Variants in DPP6 observed in about 807,000 individuals in gnomAD.
DPP6 encodes the protein A-type potassium channel modulatory protein DPP6.
A neutral mutation model predicts 122.6 loss-of-function variants in DPP6; 69 were observed. The observed-to-expected ratio is 0.56, with a 90% confidence interval of 0.46 to 0.69. The LOEUF (loss-of-function observed/expected upper bound fraction) is 0.69. Ranked by LOEUF, DPP6 falls within the 30% of genes least tolerant of loss-of-function variation. The pLI, the probability that DPP6 is intolerant of heterozygous loss-of-function variation, is 0.00. For synonymous variants in DPP6, 418 were observed against 433.1 expected (o/e 0.97, Z 0.43); for missense variants, 928 against 1,116.9 (o/e 0.83, Z 2.41).
intron 4 of DPP6, among the ~76,000 whole-genome samples, chr7:154,564,077 C>T (rs760298193): frequency 7.9e-5 from 12 of 151,944 alleles, no homozygotes; most frequent in East Asian, 1.9e-4. Flanking sequence ...GATGAGTGTC[C>T]GGGAAGCCAG....
At chr7:153,906,642 G>C (rs1799864746) in intron 1 of DPP6, among the ~76,000 whole-genome samples, 1 of 152,158 alleles carries the variant, frequency 6.6e-6, no homozygotes. Context: ...TGTAGAGACA[G>C]GGTTTCTCCA....
intron 1 of DPP6, among the ~76,000 whole-genome samples, chr7:154,203,310 C>T (rs984692921): frequency 3.3e-5 from 5 of 152,162 alleles, no homozygotes; most frequent in Admixed American, 6.5e-5. Flanking sequence ...AGGCCCAAAG[C>T]CCCATCACTG....
rs554421044 is a variant in DPP6, at chr7:154,130,193, G to C, written c.243+77130G>C. Among the ~76,000 whole-genome samples the C allele has an allele frequency of 2.0e-5, 3 of 152,280 alleles. No individual in the cohort carries two copies. The South Asian group carries it at 6.2e-4, about 32-fold the overall frequency. ...CTAGAAGACAAAGAGGAACTAGTGA[G>C]GGGTGTGTGACATCAGCCAAAGCTG... On this transcript the variant is annotated intron_variant, in intron 1 of 25. Transcript: ENST00000377770.
intron 2 of DPP6, among the ~76,000 whole-genome samples, chr7:154,448,821 G>T (rs1820110276): frequency 6.6e-6 from 1 of 152,102 alleles, no homozygotes; most frequent in African/African-American, 2.4e-5. Context: ...AATGAGGAAA[G>T]AATAGTCTTT....
chr7:154,618,139 G>T lies in DPP6; in HGVS notation c.628-19682G>T, dbSNP rs891180544. Among the ~76,000 whole-genome samples the T allele has an allele frequency of 1.6e-4, 24 of 152,212 alleles. No homozygotes were observed. The highest frequency in any genetic ancestry group is 5.8e-4 in the African/African-American group (24 of 41,448). On this transcript the variant is annotated intron_variant, in intron 5 of 25. Transcript: ENST00000377770. The surrounding 1 kb of genome is among the most constrained non-coding windows in gnomAD (Gnocchi z 4.1). ...CCCCCATAAGGCTATTAAAGTTGCT[G>T]CTGGAAGGTTCCAGAGCTGTATGAT...
intron 1 of DPP6, among the ~76,000 whole-genome samples, chr7:153,944,230 C>A (rs1457864762): frequency 6.6e-6 from 1 of 152,228 alleles, no homozygotes; most frequent in Non-Finnish European, 1.5e-5. Context: ...TCCGGCCCAC[C>A]CTCAACTAAT....
intron 1 of DPP6, among the ~76,000 whole-genome samples, chr7:154,027,741 G>A (rs966594628): frequency 7.9e-5 from 12 of 151,738 alleles, no homozygotes; most frequent in African/African-American, 2.4e-4. Context: ...GCTTGTTCTC[G>A]CTCATCTGGG....
intron 1 of DPP6, among the ~76,000 whole-genome samples, chr7:153,916,123 C>T (rs1203557087): frequency 6.6e-6 from 1 of 151,358 alleles, no homozygotes; most frequent in Non-Finnish European, 1.5e-5. Context: ...CCCGCCACTG[C>T]GCCTGGCTAA....
intron 16 of DPP6, among the ~76,000 whole-genome samples, chr7:154,826,994 C>T (rs551576392): frequency 6.6e-6 from 1 of 152,170 alleles, no homozygotes; most frequent in South Asian, 2.1e-4. Flanking sequence ...ACAACATGAA[C>T]ATGAATATGG....
intron 1 of DPP6, among the ~76,000 whole-genome samples, chr7:154,346,091 G>C (rs991852604): frequency 3.3e-5 from 5 of 152,078 alleles, no homozygotes; most frequent in African/African-American, 1.2e-4. Flanking sequence ...AAAATGGGCC[G>C]CAATTAAAAA....
intron 1 of DPP6, among the ~76,000 whole-genome samples, chr7:153,938,558 C>G (rs904726881): frequency 2.0e-5 from 3 of 152,180 alleles, no homozygotes; most frequent in African/African-American, 7.2e-5. Context: ...AGAAAGAAAA[C>G]AGCCGAGTCA....
intron 17 of DPP6, among the ~76,000 whole-genome samples, chr7:154,862,545 G>T (rs1803497943): frequency 6.6e-6 from 1 of 152,222 alleles, no homozygotes; most frequent in African/African-American, 2.4e-5. Flanking sequence ...CGCCCTGCAG[G>T]ATGTCTGCAG....
chr7:154,657,950 A>G (rs1048531271), intron 6 of DPP6, among the ~76,000 whole-genome samples: 2 of 152,240 alleles, frequency 1.3e-5, no homozygotes, highest in Admixed American at 6.5e-5. Context: ...TACACTTTGT[A>G]TGATTCCAAC....
At chr7:154,623,567 ACACACACACG>A (rs201316577) in intron 5 of DPP6, among the ~76,000 whole-genome samples, 6 of 63,304 alleles carry the variant, frequency 9.5e-5, no homozygotes, top group Non-Finnish European at 2.4e-4. Flanking sequence ...CGCAACACGC[ACACACACACG>A]CACGCACACG....
At chr7:154,784,397 C>G (rs535922799) in intron 10 of DPP6, among the ~76,000 whole-genome samples, 1 of 152,126 alleles carries the variant, frequency 6.6e-6, no homozygotes, top group African/African-American at 2.4e-5. Flanking sequence ...AAGCAAAGCC[C>G]GCAGAGAGCT....
chr7:154,532,706 T>C (rs1027061652), intron 3 of DPP6, among the ~76,000 whole-genome samples: 12 of 151,988 alleles, frequency 7.9e-5, no homozygotes, highest in African/African-American at 2.9e-4. Flanking sequence ...GATAATATGT[T>C]ATTAATTAAT....
chr7:154,711,348 G>A (rs1030993288), intron 7 of DPP6, among the ~76,000 whole-genome samples: 1 of 152,058 alleles, frequency 6.6e-6, no homozygotes, highest in African/African-American at 2.4e-5. Context: ...GACCAGCCTG[G>A]GCAACAGAGC....
At chr7:154,337,465 T>G (rs1047563154) in intron 1 of DPP6, among the ~76,000 whole-genome samples, 1 of 152,210 alleles carries the variant, frequency 6.6e-6, no homozygotes, top group Non-Finnish European at 1.5e-5. Context: ...AGAAAACGTC[T>G]AAAATCTCGA....
At chr7:153,848,166 G>A in the DPP6 span, among the ~76,000 whole-genome samples, 1 of 152,060 alleles carries the variant, frequency 6.6e-6, no homozygotes. Context: ...CTAGCGCTGA[G>A]GGCATTTATT....
Sources: gnomAD v4.1 joint callset for allele counts (sites outside exome capture counted in the v4.1 genomes callset) on GRCh38, gnomAD v4.1.1 for gene constraint, Gnocchi (gnomAD v3.1) non-coding constraint, MANE v1.5 for transcripts, NCBI Gene and HGNC (gene_info 2026-07-23, HGNC 2026-07-21) for gene names.